Variants in CCDC171 observed in about 807,000 individuals in gnomAD.
CCDC171 encodes the protein coiled-coil domain containing 171.
Under a neutral mutation model 168.2 loss-of-function variants are expected in CCDC171, and 177 were observed. That is an observed-to-expected ratio of 1.05 (90% confidence interval 0.93 to 1.19). The LOEUF (loss-of-function observed/expected upper bound fraction) is 1.19, where lower values mean the gene tolerates loss of function less well. CCDC171 is among the 50% of genes most tolerant of loss of function. CCDC171 has a pLI of 0.00. For missense variants in CCDC171, 1,991 were observed against 1,539.0 expected (o/e 1.29, Z -4.91); for synonymous variants, 687 against 540.8 (o/e 1.27, Z -3.75).
At chr9:15,577,133 C>T (rs774695613) in intron 3 of CCDC171, among the ~76,000 whole-genome samples, 6 of 152,296 alleles carry the variant, frequency 3.9e-5, no homozygotes, top group Non-Finnish European at 7.4e-5. Context: ...CTTCATTGAA[C>T]TTGTAATTTT....
chr9:15,677,128 C>G (rs1397889589), intron 9 of CCDC171, among the ~76,000 whole-genome samples: 2 of 151,996 alleles, frequency 1.3e-5, no homozygotes, highest in South Asian at 2.1e-4. Flanking sequence ...TTGGGAAATT[C>G]TCATTGCTTT....
chr9:16,088,526 AG>A, the CCDC171 span, among the ~76,000 whole-genome samples: 2 of 152,228 alleles, frequency 1.3e-5, no homozygotes, highest in African/African-American at 4.8e-5. Context: ...GCAAAGTCTC[AG>A]GGTACAAAAT....
chr9:16,045,351 CA>C (rs993639956), intron 1 of CCDC171, among the ~76,000 whole-genome samples: 50 of 152,192 alleles, frequency 3.3e-4, no homozygotes, highest in African/African-American at 4.8e-5. Flanking sequence ...GGAGGCTTGT[CA>C]ACCTCAGCAC....
intron 25 of CCDC171, among the ~76,000 whole-genome samples, chr9:15,944,001 A>G (rs1206088868): frequency 6.6e-6 from 1 of 152,074 alleles, no homozygotes; most frequent in Admixed American, 6.6e-5. Flanking sequence ...ACAGGATGCC[A>G]CTAGCCTGTA....
chr9:15,553,493 G>A (rs2038507253), intron 1 of CCDC171, 191 bp downstream of exon 1: 1 of 152,440 alleles, frequency 6.6e-6, no homozygotes. Context: ...ATCCTAGCCA[G>A]AGATCGCTGA....
intron 7 of CCDC171, among the ~76,000 whole-genome samples, chr9:15,649,215 A>T (rs1159283498): frequency 1.3e-5 from 2 of 152,340 alleles, no homozygotes; most frequent in East Asian, 1.9e-4. Flanking sequence ...CTGAAGCTGG[A>T]TTCCTTCCTT....
In CCDC171 at chr9:16,014,496, T is replaced by G. The variant is rs975565781; in HGVS notation, n.369-6093T>G. Among the ~76,000 whole-genome samples, 3 of 152,210 alleles carry G rather than the reference T, an allele frequency of 2.0e-5. No homozygotes were observed. The East Asian group carries it at 5.8e-4, about 29-fold the overall frequency. ...AATTACTAATGTTCTTAATGACATCTACAATGGTGAATCCTTTCCAGGATG... is the reference window on the plus strand; with the variant it reads ...AATTACTAATGTTCTTAATGACATCGACAATGGTGAATCCTTTCCAGGATG... On this transcript the variant is annotated intron_variant and non_coding_transcript_variant, in intron 3 of 9. Coordinates refer to the CCDC171 transcript ENST00000486641.
chr9:16,047,168 G>T (rs1300694190), intron 1 of CCDC171, among the ~76,000 whole-genome samples: 1 of 152,214 alleles, frequency 6.6e-6, no homozygotes, highest in East Asian at 1.9e-4. Context: ...CCTTTAGGGT[G>T]GTGAGTGGGG....
chr9:15,986,335 A>G lies in CCDC171; in HGVS notation n.369-34254A>G, dbSNP rs981596330. 1.5e-4 allele frequency among the ~76,000 whole-genome samples: 23 copies of G among 152,238 alleles called. 1 individual carries two copies. The highest frequency in any genetic ancestry group is 2.1e-4 in the Non-Finnish European group (14 of 68,038). ...CCTGAATTGATTCTTCATTGAGTAT[A>G]CTTCAAAGATGCAGGACCATGTCTG... is the stretch of plus-strand genomic sequence containing the variant. On this transcript the variant is annotated intron_variant and non_coding_transcript_variant, in intron 3 of 9. Transcript: ENST00000486641.
At chr9:16,080,706 G>A in the CCDC171 span, among the ~76,000 whole-genome samples, 1 of 152,072 alleles carries the variant, frequency 6.6e-6, no homozygotes, top group African/African-American at 2.4e-5. Flanking sequence ...GTTAACCTAG[G>A]ACTCTGGGAT....
chr9:15,698,070 A>ACG (rs372535743), intron 11 of CCDC171, among the ~76,000 whole-genome samples: 2 of 151,692 alleles, frequency 1.3e-5, no homozygotes, highest in Admixed American at 1.3e-4. Context: ...TGTAGAGTTC[A>ACG]ATACTGTGCT....
intron 3 of CCDC171, among the ~76,000 whole-genome samples, chr9:15,987,838 T>C (rs1468624871): frequency 1.3e-5 from 2 of 152,192 alleles, no homozygotes; most frequent in Non-Finnish European, 2.9e-5. Flanking sequence ...ACAAAATTCA[T>C]TTATGTTTCA....
chr9:15,744,120 C>A (rs549439353), intron 16 of CCDC171, among the ~76,000 whole-genome samples, 153 bp from the exon 17 acceptor site: 29 of 152,192 alleles, frequency 1.9e-4, no homozygotes, highest in Non-Finnish European at 3.4e-4. Context: ...GTTGCCATGT[C>A]TATCTTATTT....
intron 3 of CCDC171, among the ~76,000 whole-genome samples, chr9:15,993,579 C>T (rs561685935): frequency 6.6e-6 from 1 of 152,168 alleles, no homozygotes; most frequent in Non-Finnish European, 1.5e-5. Context: ...GCAACAAAAG[C>T]CAAAATTGAC....
intron 24 of CCDC171, among the ~76,000 whole-genome samples, chr9:15,880,626 GTTTTTTT>G (rs57349228): frequency 3.4e-5 from 4 of 116,068 alleles, no homozygotes; most frequent in Non-Finnish European, 5.5e-5. Flanking sequence ...CCGCCTAATT[GTTTTTTT>G]TTTTTTTTTT....
At chr9:15,703,559 G>C (rs2051962383) in intron 11 of CCDC171, among the ~76,000 whole-genome samples, 1 of 152,122 alleles carries the variant, frequency 6.6e-6, no homozygotes. Flanking sequence ...ATGTCCTCCA[G>C]TTTCATCCAT....
intron 23 of CCDC171, among the ~76,000 whole-genome samples, chr9:15,866,863 G>C (rs2061810810): frequency 6.6e-6 from 1 of 152,000 alleles, no homozygotes; most frequent in Non-Finnish European, 1.5e-5. Context: ...CTATCACTGT[G>C]CCTGGTACCC....
At chr9:15,723,171 G>A (rs998980031) in intron 12 of CCDC171, among the ~76,000 whole-genome samples, 2 of 152,170 alleles carry the variant, frequency 1.3e-5, no homozygotes, top group African/African-American at 2.4e-5. Context: ...CACAAGCGGT[G>A]CAGGACCAAC....
At chr9:15,657,517 G>A (rs769163846) in intron 8 of CCDC171, among the ~76,000 whole-genome samples, 6 of 152,142 alleles carry the variant, frequency 3.9e-5, no homozygotes, top group Non-Finnish European at 5.9e-5. Context: ...GAACTTACCT[G>A]GCAGTCTGCA....
Sources: gnomAD v4.1 joint callset for allele counts (sites outside exome capture counted in the v4.1 genomes callset) on GRCh38, gnomAD v4.1.1 for gene constraint, MANE v1.5 for transcripts, NCBI Gene and HGNC (gene_info 2026-07-23, HGNC 2026-07-21) for gene names.